Variants in C2orf76 observed in about 807,000 individuals in gnomAD.
The protein encoded by C2orf76 is UPF0538 protein C2orf76.
In C2orf76, 23 loss-of-function variants were observed where a neutral mutation model predicts 16.9. That is an observed-to-expected ratio of 1.36 (90% confidence interval 0.98 to 1.93). The LOEUF is 1.93. Among genes scored for constraint, C2orf76 ranks in the 30% most tolerant of loss-of-function variants. The probability of loss-of-function intolerance (pLI) is 0.00; values close to 1 mark genes in which losing one functional copy is unlikely to be tolerated. For synonymous variants in C2orf76, 48 were observed against 52.3 expected, an observed-to-expected ratio of 0.92 and a Z score of 0.35; for missense variants, 152 against 152.6, an observed-to-expected ratio of 1.00 and a Z score of 0.02.
intron 3 of C2orf76, among the ~76,000 whole-genome samples, chr2:119,320,817 T>C (rs1047628581): frequency 6.6e-6 from 1 of 152,196 alleles, no homozygotes; most frequent in Non-Finnish European, 1.5e-5. Flanking sequence ...TTGTAACACA[T>C]AAAACTACTA....
chr2:119,285,841 A>G, the C2orf76 span, among the ~76,000 whole-genome samples: 1 of 151,962 alleles, frequency 6.6e-6, no homozygotes, highest in South Asian at 2.1e-4. Context: ...GCATTTATCA[A>G]CTCCCAGTGT....
At chr2:119,283,619 C>T in the C2orf76 span, among the ~76,000 whole-genome samples, 2 of 152,036 alleles carry the variant, frequency 1.3e-5, no homozygotes, top group South Asian at 2.1e-4. Flanking sequence ...AGATTACAGG[C>T]GCCCACCACC....
chr2:119,299,686 T>C (rs908543149), downstream of C2orf76, among the ~76,000 whole-genome samples: 1 of 152,136 alleles, frequency 6.6e-6, no homozygotes, highest in Non-Finnish European at 1.5e-5. Flanking sequence ...TAAGTGAAAA[T>C]ACTCTATATG....
chr2:119,300,597 A>G (rs1327929764), downstream of C2orf76, among the ~76,000 whole-genome samples: 1 of 152,228 alleles, frequency 6.6e-6, no homozygotes, highest in African/African-American at 2.4e-5. Flanking sequence ...TAGTCCCAAT[A>G]AACTCATTGT....
chr2:119,320,223 A>C (rs549388672), intron 3 of C2orf76, among the ~76,000 whole-genome samples: 1 of 152,196 alleles, frequency 6.6e-6, no homozygotes, highest in African/African-American at 2.4e-5. Flanking sequence ...ACACCATGAA[A>C]AAAGGAAACC....
intron 1 of C2orf76, among the ~76,000 whole-genome samples, chr2:119,357,624 G>A (rs1043767340): frequency 3.3e-5 from 5 of 149,688 alleles, no homozygotes; most frequent in Non-Finnish European, 1.5e-5. Flanking sequence ...TAGAGCTAAC[G>A]TTAGACTTCA....
At chr2:119,301,536 G>A (rs184526947), downstream of C2orf76, among the ~76,000 whole-genome samples, 24 of 151,354 alleles carry the variant, frequency 1.6e-4, no homozygotes, top group East Asian at 2.4e-3. Flanking sequence ...TAAGCTCTCC[G>A]GCACTCAGGG....
chr2:119,315,983 C>A (rs4608534), intron 4 of C2orf76, among the ~76,000 whole-genome samples: 104,671 of 152,160 alleles, frequency 0.69, 36,486 homozygotes, highest in African/African-American at 0.8. Context: ...TCCTTTTTGG[C>A]AACATGAGCA....
At chr2:119,294,764 C>T in the C2orf76 span, among the ~76,000 whole-genome samples, 4 of 152,244 alleles carry the variant, frequency 2.6e-5, no homozygotes, top group East Asian at 5.8e-4. Context: ...TGACCGACAG[C>T]GTGGCCAGTC....
intron 2 of C2orf76, among the ~76,000 whole-genome samples, chr2:119,337,846 A>G (rs1395216798): frequency 6.6e-6 from 1 of 152,194 alleles, no homozygotes; most frequent in Non-Finnish European, 1.5e-5. Context: ...TGGGGAAGGT[A>G]TCTGTGGTAC....
At chr2:119,345,877 C>A (rs59481339) in intron 1 of C2orf76, among the ~76,000 whole-genome samples, 16,941 of 151,646 alleles carry the variant, frequency 0.11, 1,099 homozygotes, top group African/African-American at 0.17. Context: ...CTGGCTAACA[C>A]GGTGAAACCC....
chr2:119,343,788 A>C (rs1296743965), intron 1 of C2orf76, among the ~76,000 whole-genome samples: 1 of 152,200 alleles, frequency 6.6e-6, no homozygotes, highest in Non-Finnish European at 1.5e-5. Flanking sequence ...TCAAAAAACA[A>C]ACAAACAAAA....
chr2:119,363,249 C>T (rs930704480), intron 1 of C2orf76, among the ~76,000 whole-genome samples: 2 of 151,970 alleles, frequency 1.3e-5, no homozygotes, highest in Non-Finnish European at 2.9e-5. Context: ...ACAGTGAAAC[C>T]CCGTCTCTAC....
intron 5 of C2orf76, among the ~76,000 whole-genome samples, chr2:119,310,778 G>A (rs1196815095): frequency 1.3e-5 from 2 of 152,216 alleles, no homozygotes. Context: ...GGAAGCTGAG[G>A]CAGGAGAATC....
chr2:119,305,680 C>A (rs6715777), intron 5 of C2orf76, among the ~76,000 whole-genome samples: 7,880 of 151,910 alleles, frequency 0.052, 690 homozygotes, highest in African/African-American at 0.18. Context: ...CAATCTGAGA[C>A]CAAAAGGACA....
intron 1 of C2orf76, among the ~76,000 whole-genome samples, chr2:119,347,855 T>G (rs1236471835): frequency 6.6e-6 from 1 of 152,104 alleles, no homozygotes; most frequent in Non-Finnish European, 1.5e-5. Flanking sequence ...TGGCCACATC[T>G]TGCTTGAGTA....
chr2:119,363,144 G>C (rs1680797155), intron 1 of C2orf76, among the ~76,000 whole-genome samples: 1 of 152,016 alleles, frequency 6.6e-6, no homozygotes, highest in Non-Finnish European at 1.5e-5. Context: ...AGTCTCCTGG[G>C]CCAGGCGACA....
chr2:119,314,662 T>G (rs1246347910), intron 4 of C2orf76, among the ~76,000 whole-genome samples: 1 of 152,230 alleles, frequency 6.6e-6, no homozygotes, highest in African/African-American at 2.4e-5. Flanking sequence ...TCATTTCTCT[T>G]TTTCAAAATT....
At chr2:119,296,301 AG>A in the C2orf76 span, among the ~76,000 whole-genome samples, 1 of 152,212 alleles carries the variant, frequency 6.6e-6, no homozygotes, top group Admixed American at 6.5e-5. Context: ...CACTTCAATT[AG>A]CTTTGCTACT....
Sources: allele counts gnomAD v4.1 joint callset (sites outside exome capture counted in the v4.1 genomes callset), GRCh38; gene constraint gnomAD v4.1.1; transcripts MANE v1.5; gene names NCBI Gene and HGNC (gene_info 2026-07-23, HGNC 2026-07-21).